SMARCA2: variants seen among roughly 807,000 people sequenced by gnomAD.
SMARCA2 encodes the protein SWI/SNF-related matrix-associated actin-dependent regulator of chromatin subfamily A member 2.
SMARCA2 carries 61 observed loss-of-function variants against 199.8 expected under a neutral mutation model. The observed-to-expected ratio is 0.31, with a 90% CI of 0.25 to 0.38. The LOEUF (loss-of-function observed/expected upper bound fraction) is 0.38, where lower values mean the gene tolerates loss of function less well. SMARCA2 is among the 10% of genes least tolerant of loss of function. The pLI, the probability that SMARCA2 is intolerant of heterozygous loss-of-function variation, is 1.00. For missense variants in SMARCA2, 1,344 were observed against 2,012.2 expected (o/e 0.67, Z 6.35); for synonymous variants, 935 against 732.0 (o/e 1.28, Z -4.48).
intron 27 of SMARCA2, among the ~76,000 whole-genome samples, chr9:2,143,843 G>C (rs1017738218): frequency 2.0e-5 from 3 of 152,228 alleles, no homozygotes; most frequent in African/African-American, 7.2e-5. Context: ...AGGCTAGAGA[G>C]ATAATTTTTG....
intron 2 of SMARCA2, among the ~76,000 whole-genome samples, chr9:2,030,541 C>CTTTT (rs567112493): frequency 1.9e-4 from 26 of 133,484 alleles, no homozygotes; most frequent in East Asian, 6.6e-4. Flanking sequence ...TTTCCTCTAG[C>CTTTT]TTTTTTTTTT....
chr9:2,068,455 A>G (rs1416440716), intron 9 of SMARCA2, among the ~76,000 whole-genome samples: 1 of 152,224 alleles, frequency 6.6e-6, no homozygotes, highest in Non-Finnish European at 1.5e-5. Flanking sequence ...GGAACTTCAG[A>G]AATTTCAAAT....
At chr9:2,186,415 A>G (rs750538282) in intron 32 of SMARCA2, among the ~76,000 whole-genome samples, 187 bp downstream of exon 32, 2 of 152,188 alleles carry the variant, frequency 1.3e-5, no homozygotes, top group Non-Finnish European at 2.9e-5. Flanking sequence ...TTTCTCATCT[A>G]TAAAACTGAG....
rs954175635 is a variant in SMARCA2, at chr9:2,193,006, G to A, written c.*267G>A. The A allele has an allele frequency of 2.1e-5, 9 of 433,302 alleles. No individual in the cohort carries two copies. The highest frequency in any genetic ancestry group is 1.2e-4 in the South Asian group (3 of 25,942). 26.8% of individuals were successfully genotyped at this position (433,302 alleles called of 1,614,324 possible). A position where few individuals can be genotyped will look rare whatever the true frequency, so the allele number is the denominator to read the frequency against. On this transcript the variant is annotated 3_prime_UTR_variant, in exon 34 of 34. Transcript: ENST00000349721. ...AAAAGCTTTTGATGGAAAATATGTG[G>A]GTGGATAGTATATTTCTATGGGTGG...
Position 2,082,001 on chromosome 9 carries a change from T to C in SMARCA2, c.2348+6T>C. 2 of 1,611,150 alleles carry C rather than the reference T, an allele frequency of 1.2e-6. No homozygotes were observed. Among genetic ancestry groups the C allele is most frequent in the African/African-American group, 1.3e-5 (1 of 74,964 alleles). ...CTCATCATTGTTCCCCTTTCGTAAG[T>C]AAAGTCATTTATTCCACAGTCATCG... On this transcript the variant is annotated splice_donor_region_variant and intron_variant, in intron 15 of 33. Coordinates refer to ENST00000349721, the MANE Select transcript of SMARCA2 (RefSeq NM_003070.5).
rs554406356 is a variant in SMARCA2 at position 2,110,481 on chromosome 9, T to G, written c.3456+64T>G. ...GAGAGCAACTAAAAGATGATCAGTT[T>G]CATTATTCACATTTACAGGACAGAG... On this transcript the variant is annotated intron_variant, in intron 24 of 33. Coordinates refer to ENST00000349721, the MANE Select transcript of SMARCA2 (RefSeq NM_003070.5). The surrounding 1 kb of genome is among the most constrained non-coding windows in gnomAD (Gnocchi z 4.8). 1 of 1,336,330 alleles carries G rather than the reference T, an allele frequency of 7.5e-7. No individual in the cohort carries two copies. Among genetic ancestry groups the G allele is most frequent in the Non-Finnish European group, 1.0e-6 (1 of 977,774 alleles). 82.8% of individuals were successfully genotyped at this position (1,336,330 alleles called of 1,614,324 possible). A position where few individuals can be genotyped will look rare whatever the true frequency, so the allele number is the denominator to read the frequency against.
intron 29 of SMARCA2, among the ~76,000 whole-genome samples, chr9:2,172,438 G>C (rs373227593): frequency 1.6e-4 from 24 of 151,790 alleles, no homozygotes; most frequent in Admixed American, 1.2e-3. Context: ...GAGGATGGGT[G>C]GGGGGGCAGA....
intron 27 of SMARCA2, chr9:2,160,620 G>A (rs1240416270): frequency 1.4e-6 from 1 of 702,124 alleles, no homozygotes; most frequent in African/African-American, 1.7e-5. Context: ...AGAAATGAAG[G>A]TAATTGCCTT....
intron 4 of SMARCA2, chr9:2,043,886 A>G (rs907065106): frequency 6.6e-6 from 1 of 152,244 alleles, no homozygotes; most frequent in Admixed American, 6.5e-5. Context: ...TAAAATGAGG[A>G]CTGAAGGGAA....
At chr9:2,060,613 C>G (rs1586660070) in intron 8 of SMARCA2, among the ~76,000 whole-genome samples, 1 of 152,208 alleles carries the variant, frequency 6.6e-6, no homozygotes, top group East Asian at 1.9e-4. Flanking sequence ...GCTGTAAACT[C>G]CAGTGTCCTG....
At position 2,073,213 on chromosome 9, in the gene SMARCA2, C is replaced by T; in HGVS notation, c.1748C>T (p.Pro583Leu). ...GESALGPDGE[P>L]IDESSQMSDL... ...GACATGATTTTCCCTCCTTTGTAGC[C>T]CATAGATGAGAGCAGCCAGATGAGT... is the stretch of plus-strand genomic sequence containing the variant. The change falls in exon 11 of 34, where the codon CCC (proline) becomes CTC (leucine). Residue 583 changes from proline (P) to leucine (L), a missense_variant and splice_region_variant. By Grantham distance (98) the Pro-to-Leu change is moderately conservative. Coordinates refer to ENST00000349721, the MANE Select transcript of SMARCA2 (RefSeq NM_003070.5). The T allele has an allele frequency of 6.2e-7, 1 of 1,614,056 alleles. No individual in the cohort carries two copies. The highest frequency in any genetic ancestry group is 8.5e-7 in the Non-Finnish European group (1 of 1,180,014).
At chr9:2,152,190 T>A (rs974072949) in intron 27 of SMARCA2, among the ~76,000 whole-genome samples, 11 of 152,172 alleles carry the variant, frequency 7.2e-5, no homozygotes, top group African/African-American at 2.7e-4. Flanking sequence ...GGAGGCAGGT[T>A]TATGATGATC....
At chr9:2,044,230 C>G (rs1254387459) in intron 4 of SMARCA2, 2 of 152,114 alleles carry the variant, frequency 1.3e-5, no homozygotes, top group African/African-American at 2.4e-5. Flanking sequence ...TACAATCTGT[C>G]GGAGGGAAGA....
chr9:2,087,111 G>C (rs1395149995), intron 18 of SMARCA2, 40 bp downstream of exon 18: 1 of 1,610,810 alleles, frequency 6.2e-7, no homozygotes, highest in South Asian at 1.1e-5. Context: ...GCATGATAAT[G>C]ACATGAAATG....
chr9:2,089,493 C>T (rs558090932), intron 19 of SMARCA2, among the ~76,000 whole-genome samples: 2 of 152,118 alleles, frequency 1.3e-5, no homozygotes, highest in South Asian at 4.2e-4. Context: ...TTGGTTCATC[C>T]TGTTCATTTT....
chr9:2,147,607 A>G (rs1824829665), intron 27 of SMARCA2, among the ~76,000 whole-genome samples: 1 of 152,086 alleles, frequency 6.6e-6, no homozygotes, highest in African/African-American at 2.4e-5. Flanking sequence ...GCACTTTGGG[A>G]GGCCAAGGCG....
At position 2,192,850 on chromosome 9, in the gene SMARCA2, C is replaced by G. The variant is rs919931915; in HGVS notation, c.*111C>G. On this transcript the variant is annotated 3_prime_UTR_variant, in exon 34 of 34. Coordinates refer to ENST00000349721, the MANE Select transcript of SMARCA2 (RefSeq NM_003070.5). ...CACTGGGTTGTTTCTATATCATCAT[C>G]GTCTATAAACTAGCTTTAGGATAGT... 5 of 773,408 alleles carry G rather than the reference C, an allele frequency of 6.5e-6. No homozygotes were observed. In the South Asian group the frequency reaches 7.5e-5, roughly 12 times the overall value. 47.9% of individuals were successfully genotyped at this position (773,408 alleles called of 1,614,324 possible). A position where few individuals can be genotyped will look rare whatever the true frequency, so the allele number is the denominator to read the frequency against.
chr9:2,110,266 C>G lies in SMARCA2; in HGVS notation c.3305C>G (p.Ser1102Cys). Residue 1102 changes from serine to cysteine, a missense_variant, in exon 24 of 34, where the codon TCT (serine) becomes TGT (cysteine). Coordinates refer to ENST00000349721, the MANE Select transcript of SMARCA2 (RefSeq NM_003070.5). The surrounding 1 kb of genome is among the most constrained non-coding windows in gnomAD (Gnocchi z 4.8). ...CTGATCCCCTCAGGCACCACCAAGT[C>G]TGAAGATCGTGCTGCTTTGCTGAAG... ...LYLRLDGTTK[S>C]EDRAALLKKF... The G allele has an allele frequency of 1.2e-6, 2 of 1,611,162 alleles. No individual in the cohort carries two copies. Among genetic ancestry groups the G allele is most frequent in the South Asian group, 2.2e-5 (2 of 90,556 alleles).
At chr9:2,057,341 C>G (rs1485011160) in intron 7 of SMARCA2, among the ~76,000 whole-genome samples, 1 of 152,200 alleles carries the variant, frequency 6.6e-6, no homozygotes, top group Non-Finnish European at 1.5e-5. Context: ...TTCGTAAGGG[C>G]TCTACCCTCA....
Sources: gnomAD v4.1 joint callset for allele counts (sites outside exome capture counted in the v4.1 genomes callset) on GRCh38, gnomAD v4.1.1 for gene constraint, Gnocchi (gnomAD v3.1) non-coding constraint, MANE v1.5 for transcripts, NCBI Gene and HGNC (gene_info 2026-07-23, HGNC 2026-07-21) for gene names.